FSTL4: variants seen among roughly 807,000 people sequenced by gnomAD.
FSTL4 encodes follistatin like 4.
A neutral mutation model predicts 78.2 loss-of-function variants in FSTL4; 28 were observed. The ratio of observed to expected loss-of-function variants is 0.36; its 90% CI spans 0.27 to 0.49. The LOEUF is 0.49. FSTL4 is among the 20% of genes least tolerant of loss of function. The pLI, the probability that FSTL4 is intolerant of heterozygous loss-of-function variation, is 0.98. For synonymous variants in FSTL4, 422 were observed against 440.5 expected (o/e 0.96, Z 0.53); for missense variants, 922 against 1,084.9 (o/e 0.85, Z 2.11).
In FSTL4 at chr5:133,375,291, CATATAT is replaced by C. The variant is rs3975738; in HGVS notation, c.409+25441_409+25446del. Among the ~76,000 whole-genome samples the C allele has an allele frequency of 4.5e-4, 26 of 57,942 alleles. 1 individual carries two copies. The East Asian group carries it at 8.4e-3, about 19-fold the overall frequency. The allele number at this position is 57,942 out of a possible 152,430, so 38.0% of individuals were successfully genotyped here. On this transcript the variant is annotated intron_variant, in intron 4 of 15. Coordinates refer to ENST00000265342, the MANE Select transcript of FSTL4 (RefSeq NM_015082.2). ...AACCCAAAACATAGGGTGTGCATGG[CATATAT>C]ATATATATATATATAAAAGACTCTA...
intron 3 of FSTL4, among the ~76,000 whole-genome samples, chr5:133,507,576 G>A (rs919821173): frequency 6.7e-6 from 1 of 149,118 alleles, no homozygotes; most frequent in African/African-American, 2.5e-5. Context: ...AGGCTGGAGT[G>A]CAGTGGCATG....
chr5:133,424,863 A>T (rs1440442008), intron 3 of FSTL4, among the ~76,000 whole-genome samples: 1 of 152,266 alleles, frequency 6.6e-6, no homozygotes, highest in East Asian at 1.9e-4. Flanking sequence ...AGCACATGCC[A>T]TAGTGAAATG....
At chr5:133,838,882 C>G in the FSTL4 span, among the ~76,000 whole-genome samples, 1 of 152,180 alleles carries the variant, frequency 6.6e-6, no homozygotes, top group Non-Finnish European at 1.5e-5. Flanking sequence ...GTCAATGTCT[C>G]CCTGTAAGGA....
chr5:133,434,517 T>C (rs1191557823), intron 3 of FSTL4, among the ~76,000 whole-genome samples: 3 of 152,210 alleles, frequency 2.0e-5, no homozygotes, highest in Admixed American at 6.5e-5. Context: ...CAGTCACTGC[T>C]TGACATTTGG....
At chr5:133,232,541 A>G (rs975906514) in intron 8 of FSTL4, among the ~76,000 whole-genome samples, 4 of 152,120 alleles carry the variant, frequency 2.6e-5, no homozygotes, top group African/African-American at 9.7e-5. Context: ...TATCTACCCT[A>G]CCTTGGACTG....
At chr5:133,672,947 C>T in the FSTL4 span, among the ~76,000 whole-genome samples, 9 of 152,194 alleles carry the variant, frequency 5.9e-5, no homozygotes, top group Non-Finnish European at 1.3e-4. Context: ...TTTAGGGAGA[C>T]ATGAGACATC....
At chr5:133,269,345 G>C (rs1484466482) in intron 6 of FSTL4, among the ~76,000 whole-genome samples, 1 of 152,194 alleles carries the variant, frequency 6.6e-6, no homozygotes, top group Non-Finnish European at 1.5e-5. Flanking sequence ...GAGAAAGCCT[G>C]TGTGGGTCCA....
At chr5:133,727,577 A>C in the FSTL4 span, among the ~76,000 whole-genome samples, 1 of 152,190 alleles carries the variant, frequency 6.6e-6, no homozygotes, top group Non-Finnish European at 1.5e-5. Flanking sequence ...CTGCCCTACA[A>C]GGTTGAGGTA....
intron 3 of FSTL4, among the ~76,000 whole-genome samples, chr5:133,451,600 G>C (rs1360384761): frequency 1.3e-5 from 2 of 152,022 alleles, no homozygotes; most frequent in South Asian, 4.1e-4. Flanking sequence ...TCAAGAAAAG[G>C]CCAACAGGAC....
the FSTL4 span, among the ~76,000 whole-genome samples, chr5:133,759,515 A>G: frequency 6.6e-6 from 1 of 152,226 alleles, no homozygotes; most frequent in Non-Finnish European, 1.5e-5. Flanking sequence ...TTATTATGGC[A>G]ATGTTTGTAA....
At chr5:133,527,406 G>A (rs568479802) in intron 3 of FSTL4, among the ~76,000 whole-genome samples, 2 of 151,928 alleles carry the variant, frequency 1.3e-5, no homozygotes, top group African/African-American at 4.8e-5. Context: ...AATCAGGCAG[G>A]GCTAGCCAGT....
chr5:133,550,091 G>A (rs1759662182), intron 3 of FSTL4, among the ~76,000 whole-genome samples: 2 of 152,150 alleles, frequency 1.3e-5, no homozygotes, highest in Admixed American at 1.3e-4. Context: ...CAAAGCAAAA[G>A]TCTGCTTTAG....
At chr5:133,509,964 G>A (rs887463879) in intron 3 of FSTL4, among the ~76,000 whole-genome samples, 1 of 152,232 alleles carries the variant, frequency 6.6e-6, no homozygotes, top group African/African-American at 2.4e-5. Flanking sequence ...TCTGGTTTCC[G>A]ATATGGAGTG....
At chr5:133,676,786 A>T in the FSTL4 span, among the ~76,000 whole-genome samples, 1 of 152,214 alleles carries the variant, frequency 6.6e-6, no homozygotes. Flanking sequence ...GAAATTTCTT[A>T]TATTTGCAGA....
chr5:133,478,450 A>C, intron 3 of FSTL4, among the ~76,000 whole-genome samples: 1 of 149,048 alleles, frequency 6.7e-6, no homozygotes, highest in East Asian at 1.9e-4. Context: ...ACAGGCGGGG[A>C]TAAATAATGC....
chr5:133,545,408 G>C (rs1483630092), intron 3 of FSTL4, among the ~76,000 whole-genome samples: 1 of 152,094 alleles, frequency 6.6e-6, no homozygotes, highest in East Asian at 1.9e-4. Flanking sequence ...ATAAAGCAAG[G>C]CTTCTCCCTG....
rs1190739723 is a variant in FSTL4 at position 133,400,854 on chromosome 5, A to C, written c.293T>G (p.Val98Gly). The change falls in exon 4 of 16, where the codon GTG (valine) becomes GGG (glycine). Residue 98 changes from valine (V) to glycine (G), a missense_variant. Val to Gly is a moderately radical substitution (Grantham distance 109, BLOSUM62 -3). Transcript: ENST00000265342. The stretch of plus-strand genomic sequence containing the variant: ...CCTCCCATCAGAGCCGCACACAGGC[A>C]CGTAGCTGGGCCTGCATGCCTCCAG... ...QCLEACRPSY[V>G]PVCGSDGRFY... The C allele has an allele frequency of 6.2e-7, 1 of 1,613,994 alleles. No individual in the cohort carries two copies. The highest frequency in any genetic ancestry group is 1.1e-5 in the South Asian group (1 of 91,086).
At chr5:133,812,106 A>G in the FSTL4 span, among the ~76,000 whole-genome samples, 1 of 152,158 alleles carries the variant, frequency 6.6e-6, no homozygotes, top group African/African-American at 2.4e-5. Context: ...CTCATATTCC[A>G]CAGCCGAATA....
chr5:133,763,777 G>A, the FSTL4 span, among the ~76,000 whole-genome samples: 3,512 of 152,326 alleles, frequency 0.023, 104 homozygotes, highest in African/African-American at 0.071. Context: ...GAGGAGGCAG[G>A]TGATCTGAGG....
Sources: allele counts gnomAD v4.1 joint callset (sites outside exome capture counted in the v4.1 genomes callset), GRCh38; gene constraint gnomAD v4.1.1; transcripts MANE v1.5; gene names NCBI Gene and HGNC (gene_info 2026-07-23, HGNC 2026-07-21).